Variants in NLGN1 observed in about 807,000 individuals in gnomAD.
NLGN1 encodes neuroligin-1.
Under a neutral mutation model 65.5 loss-of-function variants are expected in NLGN1, and 12 were observed. The ratio of observed to expected loss-of-function variants is 0.18; its 90% CI spans 0.12 to 0.30. NLGN1 has a LOEUF of 0.30. NLGN1 is among the 10% of genes least tolerant of loss of function. The probability of loss-of-function intolerance (pLI) is 1.00; values close to 1 mark genes in which losing one functional copy is unlikely to be tolerated. For synonymous variants in NLGN1, 350 were observed against 359.5 expected, an observed-to-expected ratio of 0.97 and a Z score of 0.30; for missense variants, 750 against 1,007.1, an observed-to-expected ratio of 0.74 and a Z score of 3.46.
intron 3 of NLGN1, among the ~76,000 whole-genome samples, chr3:173,782,460 G>T (rs752621346): frequency 2.0e-5 from 3 of 152,172 alleles, no homozygotes; most frequent in Non-Finnish European, 2.9e-5. Flanking sequence ...ATGTTTTGGT[G>T]AACTGATAGT....
At chr3:173,651,122 C>T (rs1174590122) in intron 3 of NLGN1, among the ~76,000 whole-genome samples, 3 of 151,836 alleles carry the variant, frequency 2.0e-5, no homozygotes, top group Non-Finnish European at 4.4e-5. Context: ...ATCCATTATT[C>T]CACTCTGTAT....
intron 3 of NLGN1, among the ~76,000 whole-genome samples, chr3:173,614,671 C>T (rs1325828794): frequency 6.6e-6 from 1 of 152,018 alleles, no homozygotes; most frequent in African/African-American, 2.4e-5. Context: ...CCTATCAGTG[C>T]TTCTCTTGAC....
At chr3:174,224,596 G>A (rs1041658853) in intron 4 of NLGN1, among the ~76,000 whole-genome samples, 3 of 152,142 alleles carry the variant, frequency 2.0e-5, no homozygotes, top group Admixed American at 1.3e-4. Flanking sequence ...CTACTCGGGA[G>A]GCTGAGGCAG....
chr3:173,775,587 T>A (rs920616695), intron 3 of NLGN1, among the ~76,000 whole-genome samples: 2 of 152,178 alleles, frequency 1.3e-5, no homozygotes, highest in African/African-American at 4.8e-5. Context: ...AAACATTAGT[T>A]ACTGTTGTCT....
chr3:174,012,218 A>T (rs1317791092), intron 4 of NLGN1, among the ~76,000 whole-genome samples: 1 of 152,020 alleles, frequency 6.6e-6, no homozygotes, highest in African/African-American at 2.4e-5. Context: ...CATCTCCCAT[A>T]CTTACACCCC....
intron 4 of NLGN1, among the ~76,000 whole-genome samples, chr3:174,012,750 TACTG>T (rs2152444081): frequency 6.6e-6 from 1 of 152,328 alleles, no homozygotes; most frequent in South Asian, 2.1e-4. Context: ...TACTCTCTTT[TACTG>T]ATCTAGCTCC....
intron 4 of NLGN1, among the ~76,000 whole-genome samples, chr3:174,236,010 G>T (rs1741633690): frequency 6.6e-6 from 1 of 152,134 alleles, no homozygotes; most frequent in Admixed American, 6.6e-5. Context: ...CAAGTAGTCA[G>T]GGAGTTGGAC....
chr3:173,662,022 C>T (rs1030970397), intron 3 of NLGN1, among the ~76,000 whole-genome samples: 5 of 152,090 alleles, frequency 3.3e-5, no homozygotes, highest in Admixed American at 6.6e-5. Context: ...ACAAGAGTCA[C>T]GCAACTGTTT....
At chr3:174,041,754 A>G (rs1034301418) in intron 4 of NLGN1, among the ~76,000 whole-genome samples, 2 of 152,108 alleles carry the variant, frequency 1.3e-5, no homozygotes, top group African/African-American at 4.8e-5. Context: ...TATTGGCCAT[A>G]TATTATTTTG....
At chr3:174,225,679 G>GGA (rs1468458811) in intron 4 of NLGN1, among the ~76,000 whole-genome samples, 1 of 151,916 alleles carries the variant, frequency 6.6e-6, no homozygotes, top group African/African-American at 2.4e-5. Context: ...TGCAGTGAGC[G>GGA]GAGATTGCGC....
chr3:174,064,724 A>G (rs1738140090), intron 4 of NLGN1, among the ~76,000 whole-genome samples: 1 of 150,918 alleles, frequency 6.6e-6, no homozygotes, highest in Non-Finnish European at 1.5e-5. Context: ...ACTTCTCAAT[A>G]GTTTTGAAAT....
chr3:173,414,354 T>C (rs749104205), intron 1 of NLGN1, among the ~76,000 whole-genome samples: 2 of 152,100 alleles, frequency 1.3e-5, no homozygotes, highest in Non-Finnish European at 2.9e-5. Flanking sequence ...GTCTCCTGCT[T>C]AGGAATGATT....
At chr3:173,762,965 TACACACACAC>T (rs111427276) in intron 3 of NLGN1, among the ~76,000 whole-genome samples, 156 of 143,356 alleles carry the variant, frequency 1.1e-3, no homozygotes, top group African/African-American at 3.6e-3. Flanking sequence ...TTGTCTCTGA[TACACACACAC>T]ACACACACAC....
At chr3:174,183,864 A>G (rs996289603) in intron 4 of NLGN1, among the ~76,000 whole-genome samples, 2 of 152,188 alleles carry the variant, frequency 1.3e-5, no homozygotes, top group Admixed American at 6.6e-5. Flanking sequence ...TTGAATGGAA[A>G]TGAAAGAGGG....
chr3:173,832,496 T>C (rs1328669014), intron 4 of NLGN1, among the ~76,000 whole-genome samples: 2 of 152,198 alleles, frequency 1.3e-5, no homozygotes, highest in Non-Finnish European at 2.9e-5. Flanking sequence ...ATCTCTTTAA[T>C]TGGGGGAGGA....
At chr3:173,828,188 T>C (rs1158836118) in intron 4 of NLGN1, among the ~76,000 whole-genome samples, 1 of 152,188 alleles carries the variant, frequency 6.6e-6, no homozygotes, top group Admixed American at 6.6e-5. Context: ...ATAATATATG[T>C]ATATAATAGC....
At chr3:174,086,011 T>A (rs2152557687) in intron 4 of NLGN1, among the ~76,000 whole-genome samples, 1 of 152,124 alleles carries the variant, frequency 6.6e-6, no homozygotes, top group Middle Eastern at 3.4e-3. Context: ...AATTTTTGGA[T>A]AAAATCATTA....
intron 4 of NLGN1, among the ~76,000 whole-genome samples, chr3:173,988,411 T>C (rs1720396209): frequency 6.6e-6 from 1 of 152,204 alleles, no homozygotes; most frequent in East Asian, 1.9e-4. Context: ...TTTCTTCTAC[T>C]ATGTTTATGT....
At chr3:173,777,623 G>A (rs62289941) in intron 3 of NLGN1, among the ~76,000 whole-genome samples, 3 of 11,522 alleles carry the variant, frequency 2.6e-4, no homozygotes, top group African/African-American at 6.6e-4. Context: ...CTGTCTGTCT[G>A]TCTGTCTGTC....
Sources: allele counts gnomAD v4.1 joint callset (sites outside exome capture counted in the v4.1 genomes callset), GRCh38; gene constraint gnomAD v4.1.1; transcripts MANE v1.5; gene names NCBI Gene and HGNC (gene_info 2026-07-23, HGNC 2026-07-21).